Variants in CNTNAP5 observed in about 807,000 individuals in gnomAD.
CNTNAP5 encodes contactin associated protein family member 5.
CNTNAP5 carries 72 observed loss-of-function variants against 150.2 expected under a neutral mutation model. The observed-to-expected ratio is 0.48, with a 90% confidence interval of 0.40 to 0.58. CNTNAP5 has a LOEUF of 0.58. Among genes scored for constraint, CNTNAP5 ranks in the 20% least tolerant of loss-of-function variants. The pLI is 0.00. For synonymous variants in CNTNAP5, 672 were observed against 619.8 expected, an observed-to-expected ratio of 1.08 and a Z score of -1.25; for missense variants, 1,636 against 1,626.2, an observed-to-expected ratio of 1.01 and a Z score of -0.10.
At chr2:124,562,878 C>T (rs1451092857) in intron 10 of CNTNAP5, among the ~76,000 whole-genome samples, 2 of 150,292 alleles carry the variant, frequency 1.3e-5, no homozygotes, top group Non-Finnish European at 3.0e-5. Context: ...TATCTTTATA[C>T]ATTTTATTTT....
intron 5 of CNTNAP5, 115 bp from the exon 6 acceptor site, chr2:124,446,638 A>T: frequency 1.0e-6 from 1 of 957,910 alleles, no homozygotes; most frequent in Non-Finnish European, 1.6e-6. Context: ...GCCTGTAGGG[A>T]GACATCATTC....
At chr2:124,408,834 C>T (rs1691667874) in intron 3 of CNTNAP5, among the ~76,000 whole-genome samples, 2 of 152,156 alleles carry the variant, frequency 1.3e-5, no homozygotes, top group South Asian at 4.1e-4. Context: ...AGCTCCTCTC[C>T]TCCTCCAAAG....
At chr2:124,404,199 C>G (rs1380054654) in intron 3 of CNTNAP5, among the ~76,000 whole-genome samples, 1 of 152,222 alleles carries the variant, frequency 6.6e-6, no homozygotes, top group African/African-American at 2.4e-5. Flanking sequence ...GCAACAGAGT[C>G]TCCCTGAAAA....
chr2:124,538,843 T>C lies in CNTNAP5; in HGVS notation c.1649+11387T>C, dbSNP rs190997190. 6.0e-3 allele frequency among the ~76,000 whole-genome samples: 920 copies of C among 152,328 alleles called. 1 individual carries two copies. The highest frequency in any genetic ancestry group is 0.027 in the Middle Eastern group (8 of 294). ...TTAATGAAAAGAATAAAGAGATTCCTTGGTATTGATTCCTTTACATGATCG... is the reference window on the plus strand; with the variant it reads ...TTAATGAAAAGAATAAAGAGATTCCCTGGTATTGATTCCTTTACATGATCG... On this transcript the variant is annotated intron_variant, in intron 10 of 23. Transcript: ENST00000682447.
At chr2:124,250,625 A>G (rs1447573971) in intron 3 of CNTNAP5, among the ~76,000 whole-genome samples, 1 of 152,010 alleles carries the variant, frequency 6.6e-6, no homozygotes, top group Non-Finnish European at 1.5e-5. Context: ...GACCATTCGC[A>G]TAGAGTCCTG....
chr2:124,621,215 G>A (rs1311694093), intron 12 of CNTNAP5, among the ~76,000 whole-genome samples: 1 of 152,016 alleles, frequency 6.6e-6, no homozygotes, highest in African/African-American at 2.4e-5. Flanking sequence ...CAGTACAATT[G>A]TACATTGATA....
rs1553445684 is a variant in CNTNAP5 at position 124,818,453 on chromosome 2, A to AGT, written c.3217+20134_3217+20135insTG. 4.4e-4 allele frequency among the ~76,000 whole-genome samples: 67 copies of AGT among 152,068 alleles called. 1 individual carries two copies. Among genetic ancestry groups the AGT allele is most frequent in the Middle Eastern group, 3.4e-3 (1 of 294 alleles). On this transcript the variant is annotated intron_variant, in intron 19 of 23. Coordinates refer to ENST00000682447, the MANE Select transcript of CNTNAP5 (RefSeq NM_001367498.1). ...GAGGTGAGAGGATGACTTGAGCCCA[A>AGT]GGGGGGTTTGCATGGCTACAGTGAG...
chr2:124,774,847 AT>A (rs1179923942), intron 17 of CNTNAP5, among the ~76,000 whole-genome samples: 1 of 152,212 alleles, frequency 6.6e-6, no homozygotes, highest in Non-Finnish European at 1.5e-5. Flanking sequence ...TGGATATGTG[AT>A]AAAGTTTGCG....
chr2:124,439,418 T>C (rs1692619998), intron 5 of CNTNAP5, among the ~76,000 whole-genome samples: 1 of 152,178 alleles, frequency 6.6e-6, no homozygotes, highest in Non-Finnish European at 1.5e-5. Flanking sequence ...GTTATATTAA[T>C]TGGAAATAAA....
intron 1 of CNTNAP5, among the ~76,000 whole-genome samples, chr2:124,209,127 C>G (rs1685939595): frequency 6.6e-6 from 1 of 152,162 alleles, no homozygotes; most frequent in African/African-American, 2.4e-5. Context: ...CACACATTCA[C>G]TTCTGCCATA....
chr2:124,542,642 T>C (rs1695414156), intron 10 of CNTNAP5, among the ~76,000 whole-genome samples: 1 of 152,114 alleles, frequency 6.6e-6, no homozygotes. Context: ...CGAAGTCTTC[T>C]TGACTGCTCA....
intron 7 of CNTNAP5, among the ~76,000 whole-genome samples, chr2:124,503,366 C>T (rs1164433355): frequency 6.6e-6 from 1 of 152,166 alleles, no homozygotes; most frequent in Admixed American, 6.5e-5. Flanking sequence ...AACTGTACTG[C>T]GTATCTAACT....
intron 1 of CNTNAP5, among the ~76,000 whole-genome samples, chr2:124,220,109 C>T (rs1358720775): frequency 6.6e-6 from 1 of 151,504 alleles, no homozygotes. Flanking sequence ...TAAGAATTTG[C>T]TGAATAAATA....
chr2:124,770,609 C>G (rs1681169149), intron 16 of CNTNAP5, among the ~76,000 whole-genome samples: 1 of 152,142 alleles, frequency 6.6e-6, no homozygotes, highest in African/African-American at 2.4e-5. Flanking sequence ...GCAGGGCTGC[C>G]AGGTGGCACT....
intron 3 of CNTNAP5, among the ~76,000 whole-genome samples, chr2:124,400,400 GCA>G (rs1326771089): frequency 1.7e-4 from 26 of 152,120 alleles, no homozygotes; most frequent in African/African-American, 5.8e-4. Flanking sequence ...CTACTGCCAT[GCA>G]CATAAGAACA....
chr2:124,242,624 C>G (rs1037400342), intron 3 of CNTNAP5, among the ~76,000 whole-genome samples: 2 of 152,054 alleles, frequency 1.3e-5, no homozygotes, highest in Non-Finnish European at 2.9e-5. Flanking sequence ...TTGTAGTAAA[C>G]TGGGTAATTC....
chr2:124,598,026 A>G (rs1238383985), intron 11 of CNTNAP5, among the ~76,000 whole-genome samples: 3 of 88,302 alleles, frequency 3.4e-5, no homozygotes, highest in African/African-American at 8.3e-5. Flanking sequence ...TGTATTGGTT[A>G]TTCTAGTTAT....
intron 3 of CNTNAP5, among the ~76,000 whole-genome samples, chr2:124,358,667 G>T (rs1690098335): frequency 6.6e-6 from 1 of 152,174 alleles, no homozygotes; most frequent in Non-Finnish European, 1.5e-5. Flanking sequence ...CTTGATCATG[G>T]TGGATAAGCT....
intron 1 of CNTNAP5, among the ~76,000 whole-genome samples, chr2:124,210,999 G>A (rs889611583): frequency 2.0e-5 from 3 of 152,092 alleles, no homozygotes; most frequent in African/African-American, 7.2e-5. Context: ...GTATCAGATA[G>A]CATGATACAT....
Sources: gnomAD v4.1 joint callset for allele counts (sites outside exome capture counted in the v4.1 genomes callset) on GRCh38, gnomAD v4.1.1 for gene constraint, MANE v1.5 for transcripts, NCBI Gene and HGNC (gene_info 2026-07-23, HGNC 2026-07-21) for gene names.